Variants in SI observed in about 807,000 individuals in gnomAD.
SI encodes sucrase-isomaltase, also known as sucrase-isomaltase, intestinal.
A neutral mutation model predicts 253.3 loss-of-function variants in SI; 235 were observed. That is an observed-to-expected ratio of 0.93 (90% confidence interval 0.83 to 1.03). SI has a LOEUF of 1.03. Among genes scored for constraint, SI ranks in the 50% least tolerant of loss-of-function variants. The pLI is 0.00. For synonymous variants in SI, 819 were observed against 712.0 expected (o/e 1.15, Z -2.39); for missense variants, 2,442 against 2,211.1 (o/e 1.10, Z -2.09).
intron 12 of SI, among the ~76,000 whole-genome samples, chr3:165,057,331 T>G (rs1163326252): frequency 6.6e-6 from 1 of 151,790 alleles, no homozygotes; most frequent in East Asian, 1.9e-4. Flanking sequence ...GAAGCATGGC[T>G]ACAAGATGTA....
intron 32 of SI, among the ~76,000 whole-genome samples, chr3:165,015,663 G>T (rs559807664): frequency 6.6e-6 from 1 of 152,116 alleles, no homozygotes; most frequent in East Asian, 1.9e-4. Flanking sequence ...ATTACATTTT[G>T]ATAACTCCCA....
At chr3:165,081,987 T>A (rs2108129324), upstream of SI, among the ~76,000 whole-genome samples, 1 of 152,080 alleles carries the variant, frequency 6.6e-6, no homozygotes, top group African/African-American at 2.4e-5. Context: ...TATTCCAGTC[T>A]TACACACAGA....
rs1054876983 is a variant in SI at position 164,994,470 on chromosome 3, TC to T, written c.4693-66del. The T allele has an allele frequency of 8.4e-6, 13 of 1,538,924 alleles. No individual in the cohort carries two copies. In the African/African-American group the frequency reaches 1.1e-4, roughly 13 times the overall value. Reference sequence around the variant, plus strand: ...CTTGTTTAAGTCATAATATTCATATTCATATTTGAAGAACTAAAAAGTAAGA... The same window carrying T: ...CTTGTTTAAGTCATAATATTCATATTATATTTGAAGAACTAAAAAGTAAGA... On this transcript the variant is annotated intron_variant, in intron 40 of 47. Transcript: ENST00000264382.
chr3:165,080,620 G>C (rs1046727153), upstream of SI, among the ~76,000 whole-genome samples: 5 of 151,988 alleles, frequency 3.3e-5, no homozygotes, highest in African/African-American at 1.2e-4. Flanking sequence ...GATGAAGCTG[G>C]AAACCATCAT....
At chr3:165,037,593 C>T (rs1043563930) in intron 21 of SI, among the ~76,000 whole-genome samples, 11 of 151,930 alleles carry the variant, frequency 7.2e-5, no homozygotes, top group African/African-American at 2.7e-4. Flanking sequence ...AATTATATAA[C>T]AAATATTCAC....
At chr3:165,049,722 A>G (rs1432047601) in intron 14 of SI, 69 bp downstream of exon 14, 1 of 869,190 alleles carries the variant, frequency 1.2e-6, no homozygotes, top group Non-Finnish European at 1.9e-6. Flanking sequence ...AATATATGTT[A>G]GAAATTACTA....
At chr3:164,983,402 C>G (rs1236782253) in intron 45 of SI, among the ~76,000 whole-genome samples, 3 of 152,036 alleles carry the variant, frequency 2.0e-5, no homozygotes, top group Non-Finnish European at 4.4e-5. Flanking sequence ...GTGATGATAG[C>G]AATCGACACT....
intron 7 of SI, among the ~76,000 whole-genome samples, chr3:165,064,557 A>T (rs140009012): frequency 1.5e-3 from 229 of 152,176 alleles, no homozygotes; most frequent in African/African-American, 5.2e-3. Flanking sequence ...AATCAAACAT[A>T]TTTTTTTAAA....
chr3:165,074,784 T>C lies in SI; in HGVS notation c.119-117A>G. ...ATGAATTCATATAAAATGAAAATTT[T>C]AAAATAAATTTTGCATTTAAAAAGA... On this transcript the variant is annotated intron_variant, in intron 2 of 47. Coordinates refer to ENST00000264382, the MANE Select transcript of SI (RefSeq NM_001041.4). The C allele has an allele frequency of 3.4e-6, 3 of 872,974 alleles. No individual in the cohort carries two copies. In the East Asian group the frequency reaches 8.3e-5, roughly 24 times the overall value. The allele number at this position is 872,974 out of a possible 1,614,324, so 54.1% of individuals were successfully genotyped here. A position where few individuals can be genotyped will look rare whatever the true frequency, so the allele number is the denominator to read the frequency against.
In SI at chr3:164,996,669, A is replaced by G; in HGVS notation, c.4576-18T>C. The G allele has an allele frequency of 7.1e-7, 1 of 1,407,256 alleles. No individual in the cohort carries two copies. The highest frequency in any genetic ancestry group is 1.4e-5 in the African/African-American group (1 of 70,316). The allele number at this position is 1,407,256 out of a possible 1,614,324, so 87.2% of individuals were successfully genotyped here. A position where few individuals can be genotyped will look rare whatever the true frequency, so the allele number is the denominator to read the frequency against. On this transcript the variant is annotated intron_variant, in intron 39 of 47. Transcript: ENST00000264382. ...GCTCCAGTCTAAAATATATTGTTAT[A>G]TTTAGTTAAATTTGAATAGTTTATG...
At chr3:164,994,829 G>A (rs1257377421) in intron 40 of SI, among the ~76,000 whole-genome samples, 1 of 151,538 alleles carries the variant, frequency 6.6e-6, no homozygotes, top group Non-Finnish European at 1.5e-5. Flanking sequence ...GTTCTCAGGA[G>A]AAATGAACAG....
chr3:165,051,285 G>T (rs1422826545), intron 13 of SI, among the ~76,000 whole-genome samples: 1 of 151,964 alleles, frequency 6.6e-6, no homozygotes, highest in Non-Finnish European at 1.5e-5. Context: ...ATAAATTAAT[G>T]GTGCTCAAGG....
chr3:165,075,344 GAAGA>G (rs1388024575), intron 2 of SI, among the ~76,000 whole-genome samples: 9 of 151,902 alleles, frequency 5.9e-5, no homozygotes, highest in Admixed American at 4.0e-4. Flanking sequence ...AGAGAATAAT[GAAGA>G]AAGAGATTCA....
intron 47 of SI, among the ~76,000 whole-genome samples, chr3:164,980,960 T>C (rs980385941): frequency 3.9e-5 from 6 of 151,964 alleles, no homozygotes; most frequent in African/African-American, 1.4e-4. Flanking sequence ...TGATTTCTAA[T>C]TGTGATTGAT....
intron 5 of SI, among the ~76,000 whole-genome samples, chr3:165,068,013 C>T (rs1267065570): frequency 3.3e-5 from 5 of 151,756 alleles, no homozygotes; most frequent in African/African-American, 1.2e-4. Context: ...GAATTTGGTG[C>T]TGTTTTTACT....
chr3:165,002,812 TAA>T (rs1243442723), intron 37 of SI, among the ~76,000 whole-genome samples: 2 of 151,778 alleles, frequency 1.3e-5, no homozygotes, highest in East Asian at 3.8e-4. Context: ...ATGAAAAATA[TAA>T]GACTGTATAA....
At chr3:165,015,337 T>C in intron 32 of SI, 104 bp from the exon 33 acceptor site, 2 of 769,146 alleles carry the variant, frequency 2.6e-6, no homozygotes, top group Admixed American at 4.0e-5. Context: ...ATCATAATAA[T>C]GTGCTCTCAC....
intron 45 of SI, among the ~76,000 whole-genome samples, chr3:164,983,353 C>A (rs896906650): frequency 4.6e-5 from 7 of 151,938 alleles, no homozygotes; most frequent in African/African-American, 1.7e-4. Context: ...GGGAAGGTGG[C>A]AAGAAGTGCA....
At chr3:164,982,119 G>T (rs1481403798) in intron 47 of SI, 124 bp downstream of exon 47, 2 of 702,294 alleles carry the variant, frequency 2.8e-6, no homozygotes, top group Non-Finnish European at 4.8e-6. Flanking sequence ...CTAATGAAAA[G>T]GAATATATGA....
Sources: allele counts gnomAD v4.1 joint callset (sites outside exome capture counted in the v4.1 genomes callset), GRCh38; gene constraint gnomAD v4.1.1; transcripts MANE v1.5; gene names NCBI Gene and HGNC (gene_info 2026-07-23, HGNC 2026-07-21).